The following PRDM16 variants were observed in gnomAD, a reference collection of about 807,000 sequenced individuals.
PRDM16 encodes PR/SET domain 16.
In PRDM16, 23 loss-of-function variants were observed where a neutral mutation model predicts 110.6. That is an observed-to-expected ratio of 0.21 (90% confidence interval 0.15 to 0.29). The LOEUF is 0.29. PRDM16 is among the 10% of genes least tolerant of loss of function. PRDM16 has a pLI of 1.00. For missense variants in PRDM16, 1,615 were observed against 1,794.3 expected, an observed-to-expected ratio of 0.90 and a Z score of 1.81; for synonymous variants, 799 against 781.8, an observed-to-expected ratio of 1.02 and a Z score of -0.37.
rs1339836733 is a variant in PRDM16, at chr1:3,358,946, G to A, written c.439-26206G>A. On this transcript the variant is annotated intron_variant, in intron 3 of 16. Coordinates refer to ENST00000270722, the MANE Select transcript of PRDM16 (RefSeq NM_022114.4). This position sits in a 1 kb window ranked among gnomAD's most constrained non-coding sequence, Gnocchi z 4.0. ...CCGGCTCCCATGAGGAATCAGAGGG[G>A]GAAAGCACAGCCGCTGTGGCTCATG... Among the ~76,000 whole-genome samples the A allele has an allele frequency of 6.6e-6, 1 of 152,190 alleles. No homozygotes were observed. The highest frequency in any genetic ancestry group is 1.5e-5 in the Non-Finnish European group (1 of 68,048).
At position 3,186,187 on chromosome 1, in the gene PRDM16, G is replaced by T. The variant is rs187194973; in HGVS notation, c.100G>T (p.Ala34Ser). ...CCGGGACCTGCTGGCCAGCCACAGC[G>T]CGGAGGACGAGGCCGAGGACAGTGC... Reference protein sequence around the residue: ...PNRDLLASHSAEDEAEDSAMS... With the variant: ...PNRDLLASHSSEDEAEDSAMS... The change falls in exon 2 of 17, where the codon GCG (alanine) becomes TCG (serine). Residue 34 changes from alanine (A) to serine (S), a missense_variant. Coordinates refer to ENST00000270722, the MANE Select transcript of PRDM16 (RefSeq NM_022114.4). The T allele has an allele frequency of 1.2e-6, 2 of 1,612,774 alleles. No homozygotes were observed. Among genetic ancestry groups the T allele is most frequent in the African/African-American group, 1.3e-5 (1 of 74,934 alleles).
At chr1:3,320,806 G>T (rs1028119137) in intron 3 of PRDM16, among the ~76,000 whole-genome samples, 1 of 152,220 alleles carries the variant, frequency 6.6e-6, no homozygotes, top group African/African-American at 2.4e-5. Flanking sequence ...GGCAGGAAGA[G>T]CTTCTGAGCT....
chr1:3,105,369 A>G (rs1642630441), intron 1 of PRDM16, among the ~76,000 whole-genome samples: 1 of 152,158 alleles, frequency 6.6e-6, no homozygotes, highest in South Asian at 2.1e-4. Context: ...GTGGGTCCAG[A>G]GATGGAAGGC....
rs1475998018 is a variant in PRDM16, at chr1:3,411,748, C to T, written c.1551C>T (p.Ile517=). 8 of 1,611,926 alleles carry T rather than the reference C, an allele frequency of 5.0e-6. No homozygotes were observed. Among genetic ancestry groups the T allele is most frequent in the South Asian group, 2.2e-5 (2 of 90,904 alleles). ...FPALTPGFPG[I]FPPSLYPRPP... ...CACTCACCCCCGGCTTCCCGGGCAT[C>T]TTCCCTCCATCCTTGTACCCCCGGC... is the stretch of plus-strand genomic sequence containing the variant. The change falls in exon 9 of 17, where the codon ATC becomes ATT. Residue 517 remains isoleucine (I), a synonymous_variant. Transcript: ENST00000270722.
chr1:3,195,328 G>A (rs1638446876), intron 2 of PRDM16, among the ~76,000 whole-genome samples: 1 of 152,140 alleles, frequency 6.6e-6, no homozygotes, highest in South Asian at 2.1e-4. Flanking sequence ...ACTATCTTCG[G>A]CCCGGCTCGG....
chr1:3,321,631 G>A (rs1043853988), intron 3 of PRDM16, among the ~76,000 whole-genome samples: 1 of 150,872 alleles, frequency 6.6e-6, no homozygotes, highest in Non-Finnish European at 1.5e-5. Context: ...ACACATATGT[G>A]TATGTATGTG....
intron 1 of PRDM16, among the ~76,000 whole-genome samples, chr1:3,149,308 G>C (rs1643734361): frequency 6.6e-6 from 1 of 152,326 alleles, no homozygotes; most frequent in South Asian, 2.1e-4. Flanking sequence ...GGCAGGTCTA[G>C]GGTGGCAGGA....
At chr1:3,156,381 C>T (rs1643859122) in intron 1 of PRDM16, among the ~76,000 whole-genome samples, 1 of 152,190 alleles carries the variant, frequency 6.6e-6, no homozygotes, top group Non-Finnish European at 1.5e-5. Flanking sequence ...AGCAAATCCT[C>T]TCTCTGCCTG....
rs1423249447 is a variant in PRDM16, at chr1:3,146,714, CAT to C, written c.38-39410_38-39409del. 1.3e-3 allele frequency among the ~76,000 whole-genome samples: 140 copies of C among 105,630 alleles called. 2 individuals carry two copies. The highest frequency in any genetic ancestry group is 5.2e-3 in the African/African-American group (135 of 26,120). 69.3% of individuals were successfully genotyped at this position (105,630 alleles called of 152,430 possible). A position where few individuals can be genotyped will look rare whatever the true frequency, so the allele number is the denominator to read the frequency against. ...GTGTTTGGTGTGGGGTGTGTCTGCA[CAT>C]GTGTGCTCGGTGTGGGTTGTGTGAG... On this transcript the variant is annotated intron_variant, in intron 1 of 16. Transcript: ENST00000270722.
chr1:3,403,499 C>T (rs925561170), intron 6 of PRDM16, among the ~76,000 whole-genome samples: 2 of 152,336 alleles, frequency 1.3e-5, no homozygotes, highest in South Asian at 2.1e-4. Flanking sequence ...AGGCAAGAGC[C>T]AGAAGGGGTC....
At chr1:3,398,437 G>A (rs1230052262) in intron 5 of PRDM16, among the ~76,000 whole-genome samples, 4 of 151,998 alleles carry the variant, frequency 2.6e-5, no homozygotes, top group African/African-American at 9.7e-5. Context: ...ACTCTGAATC[G>A]CACAGAAAGA....
chr1:3,233,185 G>A (rs1315440176), intron 2 of PRDM16, among the ~76,000 whole-genome samples: 1 of 152,240 alleles, frequency 6.6e-6, no homozygotes, highest in Non-Finnish European at 1.5e-5. Context: ...GCCTCCAGCA[G>A]CTGCCCCCTG....
chr1:3,427,406 A>G lies in PRDM16; in HGVS notation c.3284+1181A>G, dbSNP rs1488054368. Among the ~76,000 whole-genome samples the G allele has an allele frequency of 2.6e-5, 4 of 152,142 alleles. No individual in the cohort carries two copies. The East Asian group carries it at 5.8e-4, about 22-fold the overall frequency. ...GCCCAGAACCTAGAGCCAGATCCCA[A>G]GCTTTTACCGCACTGGCCATGGGCG... On this transcript the variant is annotated intron_variant, in intron 14 of 16. Transcript: ENST00000270722.
chr1:3,072,899 G>T (rs1023538982), intron 1 of PRDM16, among the ~76,000 whole-genome samples: 1 of 152,278 alleles, frequency 6.6e-6, no homozygotes, highest in Non-Finnish European at 1.5e-5. Context: ...CTCAGCCCCT[G>T]GCTGCGCAGG....
intron 2 of PRDM16, among the ~76,000 whole-genome samples, chr1:3,187,049 G>C (rs575273369): frequency 6.6e-6 from 1 of 152,360 alleles, no homozygotes; most frequent in East Asian, 1.9e-4. Flanking sequence ...GACTGGCCTT[G>C]AGGGTCTGAA....
chr1:3,096,323 C>T (rs533345195), intron 1 of PRDM16, among the ~76,000 whole-genome samples: 21 of 152,286 alleles, frequency 1.4e-4, no homozygotes, highest in Non-Finnish European at 2.5e-4. Flanking sequence ...CAGAACCCCG[C>T]GGGCCCCTTC....
rs567364152 is a variant in PRDM16 at position 3,268,843 on chromosome 1, G to A, written c.438+24706G>A. On this transcript the variant is annotated intron_variant, in intron 3 of 16. Transcript: ENST00000270722. ...CCAGGGGCTCCCAGCCTGCCCCACCGCATGCCTCAGGGTGAGGGGCAGCGT... is the reference window on the plus strand; with the variant it reads ...CCAGGGGCTCCCAGCCTGCCCCACCACATGCCTCAGGGTGAGGGGCAGCGT... 4.6e-5 allele frequency among the ~76,000 whole-genome samples: 7 copies of A among 152,304 alleles called. No homozygotes were observed. The South Asian group carries it at 1.0e-3, about 23-fold the overall frequency.
At chr1:3,304,554 G>A (rs1472716324) in intron 3 of PRDM16, among the ~76,000 whole-genome samples, 1 of 152,070 alleles carries the variant, frequency 6.6e-6, no homozygotes, top group Non-Finnish European at 1.5e-5. Context: ...AGCACATTGC[G>A]TTGTTGGTGT....
At chr1:3,077,170 G>A (rs887948675) in intron 1 of PRDM16, among the ~76,000 whole-genome samples, 7 of 152,206 alleles carry the variant, frequency 4.6e-5, no homozygotes, top group African/African-American at 7.2e-5. Flanking sequence ...TGTTTGGGGC[G>A]AATATGAAGT....
Sources: gnomAD v4.1 joint callset for allele counts (sites outside exome capture counted in the v4.1 genomes callset) on GRCh38, gnomAD v4.1.1 for gene constraint, Gnocchi (gnomAD v3.1) non-coding constraint, MANE v1.5 for transcripts, NCBI Gene and HGNC (gene_info 2026-07-23, HGNC 2026-07-21) for gene names.